DDX28: variants seen among roughly 807,000 people sequenced by gnomAD.
The protein encoded by DDX28 is DEAD-box helicase 28.
Under a neutral mutation model 26.8 loss-of-function variants are expected in DDX28, and 25 were observed. That is an observed-to-expected ratio of 0.93 (90% CI 0.68 to 1.30). The LOEUF (loss-of-function observed/expected upper bound fraction) is 1.30. DDX28 is among the 50% of genes most tolerant of loss of function. DDX28 has a pLI of 0.00. For missense variants in DDX28, 790 were observed against 695.1 expected, an observed-to-expected ratio of 1.14 and a Z score of -1.53; for synonymous variants, 370 against 311.9, an observed-to-expected ratio of 1.19 and a Z score of -1.96.
In DDX28 at chr16:68,022,152, T is replaced by C. The variant is rs758615165; in HGVS notation, c.1051A>G (p.Thr351Ala). The C allele has an allele frequency of 1.9e-6, 3 of 1,614,196 alleles. No homozygotes were observed. The highest frequency in any genetic ancestry group is 2.5e-6 in the Non-Finnish European group (3 of 1,180,028). Residue 351 changes from threonine to alanine, a missense_variant, in exon 1 of 1, where the codon ACC (threonine) becomes GCC (alanine). Coordinates refer to ENST00000332395, the MANE Select transcript of DDX28 (RefSeq NM_018380.4). Reference protein sequence around the residue: ...LNKVASPDAVTTITSSKLHCI... With the variant: ...LNKVASPDAVATITSSKLHCI... ...TGGAGCTTGGAGCTGGTGATGGTGG[T>C]GACAGCATCTGGGCTGGCGACTTTA...
chr16:68,022,988 C>G lies in DDX28; in HGVS notation c.215G>C (p.Arg72Pro). Reference sequence around the variant, plus strand: ...CGCCGGCTGGTTCAACTCCGGCCGCCGCGCCGAAACCAGCAGCGGTCCGGG... The same window carrying G: ...CGCCGGCTGGTTCAACTCCGGCCGCGGCGCCGAAACCAGCAGCGGTCCGGG... Reference protein sequence around the residue: ...VRPGPLLVSARRPELNQPARL... With the variant: ...VRPGPLLVSAPRPELNQPARL... The change falls in exon 1 of 1, where the codon CGG (arginine) becomes CCG (proline). Residue 72 changes from arginine (R) to proline (P), a missense_variant. Transcript: ENST00000332395. The G allele has an allele frequency of 6.4e-7, 1 of 1,555,980 alleles. No individual in the cohort carries two copies. Among genetic ancestry groups the G allele is most frequent in the South Asian group, 1.1e-5 (1 of 86,968 alleles).
Position 68,021,715 on chromosome 16 carries a change from T to C in DDX28, c.1488A>G (p.Pro496=), listed in dbSNP as rs768758806. The change falls in exon 1 of 1, where the codon CCA becomes CCG. Residue 496 remains proline, a synonymous_variant. Coordinates refer to ENST00000332395, the MANE Select transcript of DDX28 (RefSeq NM_018380.4). ...GRVGRVGSEV[P]GTVISFVTHP... ...GGGTCACAAAACTGATGACGGTGCC[T>C]GGCACCTCGCTCCCCACACGGCCCA... 11 of 1,614,186 alleles carry C rather than the reference T, an allele frequency of 6.8e-6. No individual in the cohort carries two copies. Among genetic ancestry groups the C allele is most frequent in the Non-Finnish European group, 8.5e-6 (10 of 1,180,044 alleles).
chr16:68,021,517 C>A lies in DDX28; in HGVS notation c.*63G>T. 2.6e-6 allele frequency: 4 copies of A among 1,545,860 alleles called. No individual in the cohort carries two copies. Among genetic ancestry groups the A allele is most frequent in the South Asian group, 2.5e-5 (2 of 80,014 alleles). On this transcript the variant is annotated 3_prime_UTR_variant, in exon 1 of 1. Coordinates refer to ENST00000332395, the MANE Select transcript of DDX28 (RefSeq NM_018380.4). ...AGCCTCCCACTGACAAGTGTGGTCA[C>A]CCACTCAAGATACTGGGAAAGATCC... is the stretch of plus-strand genomic sequence containing the variant.
In DDX28 at chr16:68,021,827, C is replaced by G. The variant is rs1161785060; in HGVS notation, c.1376G>C (p.Arg459Pro). The G allele has an allele frequency of 6.2e-7, 1 of 1,614,142 alleles. No homozygotes were observed. The highest frequency in any genetic ancestry group is 1.3e-5 in the African/African-American group (1 of 75,044). ...DILLCTDIAS[R>P]GLDSTGVELV... is the part of the protein sequence containing the mutation. ...CTCCACACCAGTGCTGTCCAGGCCC[C>G]GAGAGGCTATGTCTGTGCAGAGAAG... Residue 459 changes from arginine (R) to proline (P), a missense_variant, in exon 1 of 1, where the codon CGG (arginine) becomes CCG (proline). By Grantham distance (103) the Arg-to-Pro change is moderately radical (BLOSUM62 -2). Transcript: ENST00000332395.
At position 68,022,185 on chromosome 16, in the gene DDX28, A is replaced by G. The variant is rs777986879; in HGVS notation, c.1018T>C (p.Leu340=). 7 of 1,614,076 alleles carry G rather than the reference A, an allele frequency of 4.3e-6. No homozygotes were observed. The highest frequency in any genetic ancestry group is 5.1e-6 in the Non-Finnish European group (6 of 1,180,034). The part of the protein sequence containing the change: ...GATFPEGVGQ[L]LNKVASPDAV... Reference sequence around the variant, plus strand: ...TCTGGGCTGGCGACTTTATTCAGCAACTGGCCTACACCTTCGGGAAATGTG... The same window carrying G: ...TCTGGGCTGGCGACTTTATTCAGCAGCTGGCCTACACCTTCGGGAAATGTG... Residue 340 remains leucine (L), a synonymous_variant, in exon 1 of 1, where the codon TTG becomes CTG. Transcript: ENST00000332395.
rs1354470890 is a variant in DDX28, at chr16:68,021,008, A to G, written c.*572T>C. 6.6e-6 allele frequency among the ~76,000 whole-genome samples: 1 copy of G among 151,350 alleles called. No homozygotes were observed. The highest frequency in any genetic ancestry group is 1.9e-4 in the East Asian group (1 of 5,136). On this transcript the variant is annotated 3_prime_UTR_variant, in exon 1 of 1. Coordinates refer to ENST00000332395, the MANE Select transcript of DDX28 (RefSeq NM_018380.4). ...GCAGAACCTGAAAATGTACAAGCAA[A>G]ACTTCTGTGTTCGTCTACCCTTTAC...
rs2033242039 is a variant in DDX28 at position 68,021,675 on chromosome 16, T to C, written c.1528A>G (p.Ser510Gly). 5 of 1,614,226 alleles carry C rather than the reference T, an allele frequency of 3.1e-6. No individual in the cohort carries two copies. Among genetic ancestry groups the C allele is most frequent in the Non-Finnish European group, 4.2e-6 (5 of 1,180,042 alleles). ...GCCAGCTCAATCTTCTGAACCAGGCTCACATCCCAGGGATGGGTCACAAAA... is the reference window on the plus strand; with the variant it reads ...GCCAGCTCAATCTTCTGAACCAGGCCCACATCCCAGGGATGGGTCACAAAA... ...ISFVTHPWDV[S>G]LVQKIELAAR... The change falls in exon 1 of 1, where the codon AGC becomes GGC. Residue 510 changes from serine to glycine, a missense_variant. Ser to Gly is a moderately conservative substitution (Grantham distance 56, BLOSUM62 0). Coordinates refer to ENST00000332395, the MANE Select transcript of DDX28 (RefSeq NM_018380.4).
rs1428572611 is a variant in DDX28 at position 68,021,119 on chromosome 16, C to G, written c.*461G>C. On this transcript the variant is annotated 3_prime_UTR_variant, in exon 1 of 1. Coordinates refer to ENST00000332395, the MANE Select transcript of DDX28 (RefSeq NM_018380.4). Reference sequence around the variant, plus strand: ...GAGAGTAACTCTGTCTACTGCTAGTCACATTTCCTTTCCTTTCCTTTCCCT... The same window carrying G: ...GAGAGTAACTCTGTCTACTGCTAGTGACATTTCCTTTCCTTTCCTTTCCCT... Among the ~76,000 whole-genome samples the G allele has an allele frequency of 6.6e-6, 1 of 151,694 alleles. No homozygotes were observed. The highest frequency in any genetic ancestry group is 1.5e-5 in the Non-Finnish European group (1 of 67,970).
rs764836984 is a variant in DDX28, at chr16:68,022,786, G to C, written c.417C>G (p.His139Gln). 1.2e-6 allele frequency: 2 copies of C among 1,601,520 alleles called. No individual in the cohort carries two copies. Among genetic ancestry groups the C allele is most frequent in the South Asian group, 1.1e-5 (1 of 90,134 alleles). Residue 139 changes from histidine to glutamine, a missense_variant, in exon 1 of 1, where the codon CAC becomes CAG. By Grantham distance (24) the His-to-Gln change is conservative (BLOSUM62 0). Transcript: ENST00000332395. Reference protein sequence around the residue: ...ADLGLEPRVLHALQEAAPEVV... With the variant: ...ADLGLEPRVLQALQEAAPEVV... The stretch of plus-strand genomic sequence containing the variant: ...CTTCAGGCGCAGCCTCCTGTAGTGC[G>C]TGCAGCACACGGGGCTCCAGGCCCA...
chr16:68,021,753 T>C lies in DDX28; in HGVS notation c.1450A>G (p.Arg484Gly). 1.5e-5 allele frequency: 24 copies of C among 1,614,212 alleles called. No individual in the cohort carries two copies. Among genetic ancestry groups the C allele is most frequent in the Non-Finnish European group, 2.0e-5 (24 of 1,180,034 alleles). ...CCCACACGGCCCACTCTCCCTGCTCTGTGGATGTAATCTTGCAGCGTTGGG... is the reference window on the plus strand; with the variant it reads ...CCCACACGGCCCACTCTCCCTGCTCCGTGGATGTAATCTTGCAGCGTTGGG... Reference protein sequence around the residue: ...FPPTLQDYIHRAGRVGRVGSE... With the variant: ...FPPTLQDYIHGAGRVGRVGSE... Residue 484 changes from arginine to glycine, a missense_variant, in exon 1 of 1, where the codon AGA (arginine) becomes GGA (glycine). Coordinates refer to ENST00000332395, the MANE Select transcript of DDX28 (RefSeq NM_018380.4).
In DDX28 at chr16:68,023,048, C is replaced by G. The variant is rs771598308; in HGVS notation, c.155G>C (p.Arg52Thr). ...LQRQLEQRQSRRRNLPRPVLV... is the reference protein window; with the variant it reads ...LQRQLEQRQSTRRNLPRPVLV... ...CACCGGCCTCGGGAGGTTCCGCCGCCTGCTCTGCCGCTGTTCCAACTGCCG... is the reference window on the plus strand; with the variant it reads ...CACCGGCCTCGGGAGGTTCCGCCGCGTGCTCTGCCGCTGTTCCAACTGCCG... The change falls in exon 1 of 1, where the codon AGG (arginine) becomes ACG (threonine). Residue 52 changes from arginine (R) to threonine (T), a missense_variant. Arg to Thr is a moderately conservative substitution (Grantham distance 71). Coordinates refer to ENST00000332395, the MANE Select transcript of DDX28 (RefSeq NM_018380.4). The G allele has an allele frequency of 1.3e-6, 2 of 1,596,248 alleles. No individual in the cohort carries two copies. Among genetic ancestry groups the G allele is most frequent in the East Asian group, 4.5e-5 (2 of 44,664 alleles).
chr16:68,022,401 T>TC lies in DDX28; in HGVS notation c.801dup (p.Lys268GlufsTer20), dbSNP rs1171270867. On this transcript the variant is annotated frameshift_variant, in exon 1 of 1. Transcript: ENST00000332395. LOFTEE classifies it high-confidence loss of function. ...CTGATCAGTCGACTTTTCAGGGCCTTCCACAGAGCCCCTGGAGTGGCCACA... is the reference window on the plus strand; with the variant it reads ...CTGATCAGTCGACTTTTCAGGGCCTTCCCACAGAGCCCCTGGAGTGGCCACA... 3 of 1,614,072 alleles carry TC rather than the reference T, an allele frequency of 1.9e-6. No homozygotes were observed. The highest frequency in any genetic ancestry group is 2.5e-6 in the Non-Finnish European group (3 of 1,180,008).
chr16:68,021,905 G>C lies in DDX28; in HGVS notation c.1298C>G (p.Ala433Gly). ...QHLRLQGQMP[A>G]LMRVGIFQSF... ...CTGGAAGATTCCTACCCTCATCAAG[G>C]CTGGCATTTGCCCCTGCAACCTTAG... is the stretch of plus-strand genomic sequence containing the variant. Residue 433 changes from alanine to glycine, a missense_variant, in exon 1 of 1, where the codon GCC becomes GGC. By Grantham distance (60) the Ala-to-Gly change is moderately conservative. Transcript: ENST00000332395. 1 of 1,614,180 alleles carries C rather than the reference G, an allele frequency of 6.2e-7. No homozygotes were observed. The highest frequency in any genetic ancestry group is 1.1e-5 in the South Asian group (1 of 91,084).
At position 68,022,813 on chromosome 16, in the gene DDX28, G is replaced by A. The variant is rs989135017; in HGVS notation, c.390C>T (p.Asp130=). The A allele has an allele frequency of 4.4e-6, 7 of 1,581,910 alleles. No homozygotes were observed. The highest frequency in any genetic ancestry group is 4.1e-5 in the African/African-American group (3 of 73,730). Residue 130 remains aspartate (D), a synonymous_variant, in exon 1 of 1, where the codon GAC becomes GAT. Coordinates refer to ENST00000332395, the MANE Select transcript of DDX28 (RefSeq NM_018380.4). ...GCAGCACACGGGGCTCCAGGCCCAG[G>A]TCAGCAAAGCTGCCCTTAGACGAGA... The part of the protein sequence containing the change: ...RKLSSKGSFA[D]LGLEPRVLHA...
In DDX28 at chr16:68,021,996, A is replaced by G; in HGVS notation, c.1207T>C (p.Phe403Leu). The G allele has an allele frequency of 6.2e-7, 1 of 1,614,124 alleles. No individual in the cohort carries two copies. Among genetic ancestry groups the G allele is most frequent in the South Asian group, 1.1e-5 (1 of 91,074 alleles). ...RTGPSGTVLV[F>L]CNSSSTVNWL... ...TTCACAGTGCTGGAGCTATTACAGA[A>G]CACCAGAACAGTTCCTGAGGGACCA... The change falls in exon 1 of 1, where the codon TTC (phenylalanine) becomes CTC (leucine). Residue 403 changes from phenylalanine (F) to leucine (L), a missense_variant. Physicochemically the swap from Phe to Leu is conservative, Grantham distance 22. Coordinates refer to ENST00000332395, the MANE Select transcript of DDX28 (RefSeq NM_018380.4).
At position 68,021,554 on chromosome 16, in the gene DDX28, T is replaced by A. The variant is rs1202546168; in HGVS notation, c.*26A>T. ...ACTGGGAAAGATCCCTGTTCTAGCA[T>A]CACATTTTAATCAGATTTGTCAAAA... is the stretch of plus-strand genomic sequence containing the variant. On this transcript the variant is annotated 3_prime_UTR_variant, in exon 1 of 1. Coordinates refer to ENST00000332395, the MANE Select transcript of DDX28 (RefSeq NM_018380.4). The A allele has an allele frequency of 1.3e-6, 2 of 1,597,376 alleles. No individual in the cohort carries two copies. Among genetic ancestry groups the A allele is most frequent in the Admixed American group, 1.7e-5 (1 of 59,038 alleles).
chr16:68,022,952 A>G lies in DDX28; in HGVS notation c.251T>C (p.Leu84Pro), dbSNP rs2033274242. The G allele has an allele frequency of 1.9e-6, 3 of 1,551,700 alleles. No homozygotes were observed. Among genetic ancestry groups the G allele is most frequent in the Non-Finnish European group, 2.6e-6 (3 of 1,155,424 alleles). Residue 84 changes from leucine to proline, a missense_variant, in exon 1 of 1, where the codon CTG becomes CCG. Transcript: ENST00000332395. ...TAGCGGCGCGCGCTCCCAACGGCCC[A>G]GTGTGAGGCGCGCCGGCTGGTTCAA... ...PELNQPARLT[L>P]GRWERAPLAS...
rs190884268 is a variant in DDX28, at chr16:68,021,477, G to A, written c.*103C>T. 5.4e-5 allele frequency: 72 copies of A among 1,321,130 alleles called. No individual in the cohort carries two copies. The East Asian group carries it at 1.3e-3, about 23-fold the overall frequency. The allele number at this position is 1,321,130 out of a possible 1,614,324, so 81.8% of individuals were successfully genotyped here. On this transcript the variant is annotated 3_prime_UTR_variant, in exon 1 of 1. Coordinates refer to ENST00000332395, the MANE Select transcript of DDX28 (RefSeq NM_018380.4). ...CAGTTCATCCCGCCCTCAAGGAGCCGACAGGGCAGCCCAGAGCCTCCCACT... is the reference window on the plus strand; with the variant it reads ...CAGTTCATCCCGCCCTCAAGGAGCCAACAGGGCAGCCCAGAGCCTCCCACT...
rs760387488 is a variant in DDX28, at chr16:68,022,701, C to G, written c.502G>C (p.Val168Leu). Residue 168 changes from valine to leucine, a missense_variant, in exon 1 of 1, where the codon GTC becomes CTC. By Grantham distance (32) the Val-to-Leu change is conservative (BLOSUM62 1). Transcript: ENST00000332395. The part of the protein sequence containing the change: ...TIPSLLRGRH[V>L]VCAAETGSGK... ...CTGCCGGTTTCTGCGGCGCAAACGA[C>G]ATGGCGGCCGCGAAGTAGTGAGGGG... The G allele has an allele frequency of 2.5e-6, 4 of 1,613,222 alleles. No individual in the cohort carries two copies. Among genetic ancestry groups the G allele is most frequent in the Non-Finnish European group, 3.4e-6 (4 of 1,180,026 alleles).
Sources: allele counts gnomAD v4.1 joint callset (sites outside exome capture counted in the v4.1 genomes callset), GRCh38; gene constraint gnomAD v4.1.1; transcripts MANE v1.5; gene names NCBI Gene and HGNC (gene_info 2026-07-23, HGNC 2026-07-21).